The following KDM4C variants were observed in gnomAD, a reference collection of about 807,000 sequenced individuals.
The protein encoded by KDM4C is lysine demethylase 4C, also known as lysine-specific demethylase 4C.
A neutral mutation model predicts 129.3 loss-of-function variants in KDM4C; 81 were observed. The ratio of observed to expected loss-of-function variants is 0.63; its 90% CI spans 0.52 to 0.75. The LOEUF (loss-of-function observed/expected upper bound fraction) is 0.75. Among genes scored for constraint, KDM4C ranks in the 30% least tolerant of loss-of-function variants. The probability of loss-of-function intolerance (pLI) is 0.00; values close to 1 mark genes in which losing one functional copy is unlikely to be tolerated. For synonymous variants in KDM4C, 573 were observed against 456.1 expected, an observed-to-expected ratio of 1.26 and a Z score of -3.26; for missense variants, 1,457 against 1,304.0, an observed-to-expected ratio of 1.12 and a Z score of -1.81.
intron 1 of KDM4C, among the ~76,000 whole-genome samples, chr9:6,740,299 GTTCACGCCATTC>G (rs1348280760): frequency 6.6e-6 from 1 of 151,810 alleles, no homozygotes; most frequent in African/African-American, 2.4e-5. Flanking sequence ...CGCCTCCCGG[GTTCACGCCATTC>G]TCCTGCCTCA....
chr9:6,931,850 G>A (rs187666361), intron 8 of KDM4C, among the ~76,000 whole-genome samples: 1 of 152,206 alleles, frequency 6.6e-6, no homozygotes, highest in Non-Finnish European at 1.5e-5. Flanking sequence ...AATATTTACT[G>A]TGGAGCTATA....
chr9:6,827,945 T>C (rs1396366511), intron 4 of KDM4C, among the ~76,000 whole-genome samples: 1 of 152,208 alleles, frequency 6.6e-6, no homozygotes, highest in Admixed American at 6.5e-5. Flanking sequence ...TGGACAGCTT[T>C]ATTGGTCACA....
intron 8 of KDM4C, among the ~76,000 whole-genome samples, chr9:6,913,533 C>T (rs1451265042): frequency 6.6e-6 from 1 of 152,150 alleles, no homozygotes; most frequent in East Asian, 1.9e-4. Flanking sequence ...TTGTGAGAGG[C>T]AGGCAAAGGG....
chr9:7,142,269 C>G (rs993486633), intron 19 of KDM4C, among the ~76,000 whole-genome samples: 1 of 152,170 alleles, frequency 6.6e-6, no homozygotes, highest in African/African-American at 2.4e-5. Context: ...TACCCCGGAA[C>G]TTTTAATCCC....
intron 17 of KDM4C, among the ~76,000 whole-genome samples, chr9:7,061,299 C>T (rs1006543568): frequency 6.6e-6 from 1 of 152,162 alleles, no homozygotes; most frequent in Non-Finnish European, 1.5e-5. Context: ...TATTCAGATA[C>T]ACCAGGATGC....
rs558985597 is a variant in KDM4C at position 7,160,263 on chromosome 9, C to A, written c.2782-4975C>A. ...TTTTTCAAGGTTTTTAGCTTCCTTGCGATGGGTTTGAACATGCCTCTTTAG... is the reference window on the plus strand; with the variant it reads ...TTTTTCAAGGTTTTTAGCTTCCTTGAGATGGGTTTGAACATGCCTCTTTAG... On this transcript the variant is annotated intron_variant, in intron 19 of 21. Transcript: ENST00000381309. 1.2e-3 allele frequency among the ~76,000 whole-genome samples: 176 copies of A among 152,238 alleles called. 1 individual carries two copies. The highest frequency in any genetic ancestry group is 4.0e-3 in the African/African-American group (167 of 41,556).
At chr9:6,976,197 TGTTA>T (rs1213537319) in intron 8 of KDM4C, among the ~76,000 whole-genome samples, 1 of 152,230 alleles carries the variant, frequency 6.6e-6, no homozygotes, top group Non-Finnish European at 1.5e-5. Context: ...ATTTTGGCCC[TGTTA>T]GTTACCACCA....
intron 21 of KDM4C, chr9:7,170,481 A>G (rs1564205924): frequency 2.0e-6 from 2 of 981,988 alleles, no homozygotes; most frequent in South Asian, 4.7e-5. Flanking sequence ...ATGCCCTCAC[A>G]TACCATTAAA....
At chr9:7,069,290 A>C (rs530863471) in intron 17 of KDM4C, among the ~76,000 whole-genome samples, 12 of 152,338 alleles carry the variant, frequency 7.9e-5, no homozygotes, top group Non-Finnish European at 1.5e-4. Context: ...GGTTGTTTTA[A>C]AGTTAACTTT....
intron 3 of KDM4C, among the ~76,000 whole-genome samples, chr9:6,807,806 C>A (rs1483883316): frequency 1.3e-5 from 2 of 148,430 alleles, no homozygotes; most frequent in East Asian, 2.0e-4. Flanking sequence ...GGGGGTCAGC[C>A]CCCCGCCCGG....
chr9:6,841,613 A>T (rs1387902600), intron 4 of KDM4C, among the ~76,000 whole-genome samples: 2 of 152,194 alleles, frequency 1.3e-5, no homozygotes, highest in African/African-American at 4.8e-5. Flanking sequence ...AGAGTGAAGA[A>T]CATCTTCACG....
chr9:7,122,414 A>G (rs1054132053), intron 18 of KDM4C, among the ~76,000 whole-genome samples: 2 of 152,102 alleles, frequency 1.3e-5, no homozygotes, highest in African/African-American at 2.4e-5. Context: ...GGGGATTCCA[A>G]TTCAACATGA....
At chr9:7,055,110 G>C (rs1013364578) in intron 17 of KDM4C, among the ~76,000 whole-genome samples, 1 of 152,002 alleles carries the variant, frequency 6.6e-6, no homozygotes, top group African/African-American at 2.4e-5. Flanking sequence ...CCTGGGAGGC[G>C]GAAGTTGCAG....
chr9:7,079,035 A>G (rs1213201694), intron 17 of KDM4C, among the ~76,000 whole-genome samples: 2 of 152,210 alleles, frequency 1.3e-5, no homozygotes, highest in Non-Finnish European at 2.9e-5. Context: ...AAGCAGGTTT[A>G]CAGATTCAGC....
rs537532208 is a variant in KDM4C, at chr9:7,122,799, C to G, written c.2611-5267C>G. ...TTTTTAAGCCACTGTTGGTTCATTTCTGCTTAGTTCATATTAAAGAAAATT... is the reference window on the plus strand; with the variant it reads ...TTTTTAAGCCACTGTTGGTTCATTTGTGCTTAGTTCATATTAAAGAAAATT... On this transcript the variant is annotated intron_variant, in intron 18 of 21. Coordinates refer to ENST00000381309, the MANE Select transcript of KDM4C (RefSeq NM_015061.6). 5.9e-5 allele frequency among the ~76,000 whole-genome samples: 9 copies of G among 152,028 alleles called. 1 individual carries two copies. The East Asian group carries it at 1.7e-3, about 29-fold the overall frequency.
chr9:6,892,826 C>A (rs2130894400), intron 7 of KDM4C, among the ~76,000 whole-genome samples: 1 of 152,142 alleles, frequency 6.6e-6, no homozygotes, highest in East Asian at 1.9e-4. Context: ...CTGAAGATAC[C>A]TTCAATTAAA....
intron 17 of KDM4C, among the ~76,000 whole-genome samples, chr9:7,081,289 A>G (rs575234234): frequency 6.6e-6 from 1 of 152,194 alleles, no homozygotes; most frequent in Non-Finnish European, 1.5e-5. Flanking sequence ...TGTTTGTGGG[A>G]AAGAAATTGA....
intron 1 of KDM4C, among the ~76,000 whole-genome samples, chr9:6,750,332 A>T (rs565081665): frequency 6.6e-6 from 1 of 151,750 alleles, no homozygotes; most frequent in South Asian, 2.1e-4. Context: ...CCAGCTACTC[A>T]GGGGGCTACG....
upstream of KDM4C, among the ~76,000 whole-genome samples, chr9:6,755,146 T>C (rs1162312073): frequency 6.6e-6 from 1 of 151,964 alleles, no homozygotes. Context: ...CCAAGGTGAG[T>C]GGATCACAAG....
Sources: allele counts gnomAD v4.1 joint callset (sites outside exome capture counted in the v4.1 genomes callset), GRCh38; gene constraint gnomAD v4.1.1; transcripts MANE v1.5; gene names NCBI Gene and HGNC (gene_info 2026-07-23, HGNC 2026-07-21).